Variants in SNTG1 observed in about 807,000 individuals in gnomAD.
SNTG1 encodes the protein syntrophin gamma 1.
In SNTG1, 39 loss-of-function variants were observed where a neutral mutation model predicts 74.7. The observed-to-expected ratio is 0.52, with a 90% CI of 0.40 to 0.68. SNTG1 has a LOEUF of 0.68. SNTG1 is among the 30% of genes least tolerant of loss of function. The pLI, the probability that SNTG1 is intolerant of heterozygous loss-of-function variation, is 0.00. For missense variants in SNTG1, 685 were observed against 609.5 expected (o/e 1.12, Z -1.30); for synonymous variants, 254 against 217.1 (o/e 1.17, Z -1.49).
intron 18 of SNTG1, among the ~76,000 whole-genome samples, chr8:50,770,338 C>T (rs1269943419): frequency 6.6e-6 from 1 of 152,038 alleles, no homozygotes. Flanking sequence ...AATAACCATA[C>T]AGCATTTATT....
intron 18 of SNTG1, among the ~76,000 whole-genome samples, chr8:50,784,177 T>C (rs1265045097): frequency 6.6e-6 from 1 of 152,152 alleles, no homozygotes; most frequent in Admixed American, 6.5e-5. Flanking sequence ...CTCATTAACA[T>C]TTACCTTTAA....
intron 2 of SNTG1, among the ~76,000 whole-genome samples, chr8:50,320,311 G>A (rs1587113020): frequency 6.6e-6 from 1 of 152,106 alleles, no homozygotes; most frequent in Non-Finnish European, 1.5e-5. Flanking sequence ...GTTGCTTATA[G>A]AAGCCACAAA....
At chr8:50,236,747 GC>G (rs1450119991) in intron 2 of SNTG1, among the ~76,000 whole-genome samples, 2 of 151,962 alleles carry the variant, frequency 1.3e-5, no homozygotes, top group East Asian at 3.9e-4. Flanking sequence ...ACCGCGCCCG[GC>G]CAAAAATTTT....
At chr8:50,021,351 T>C (rs1052787787) in intron 1 of SNTG1, among the ~76,000 whole-genome samples, 2 of 152,204 alleles carry the variant, frequency 1.3e-5, no homozygotes, top group Non-Finnish European at 1.5e-5. Flanking sequence ...TCACAGCTGG[T>C]ACAGATTCTA....
intron 2 of SNTG1, among the ~76,000 whole-genome samples, chr8:50,185,549 G>C (rs2083348867): frequency 6.6e-6 from 1 of 152,100 alleles, no homozygotes; most frequent in African/African-American, 2.4e-5. Context: ...AACTCTCTGA[G>C]TAAGTTCCCA....
intron 3 of SNTG1, among the ~76,000 whole-genome samples, chr8:50,395,777 C>A (rs935320393): frequency 6.6e-6 from 1 of 152,158 alleles, no homozygotes; most frequent in African/African-American, 2.4e-5. Context: ...TCCCAAAGTG[C>A]TGGGATTACA....
intron 11 of SNTG1, among the ~76,000 whole-genome samples, chr8:50,550,703 A>G (rs1312118469): frequency 1.3e-5 from 2 of 151,938 alleles, no homozygotes; most frequent in Non-Finnish European, 2.9e-5. Context: ...GTATATATAT[A>G]TATATGACAC....
At chr8:50,206,063 T>C (rs2084218532) in intron 2 of SNTG1, among the ~76,000 whole-genome samples, 1 of 152,192 alleles carries the variant, frequency 6.6e-6, no homozygotes, top group Admixed American at 6.5e-5. Context: ...TCTTTTTTGG[T>C]TCCATATGAA....
chr8:50,224,279 T>C (rs1400229164), intron 2 of SNTG1, among the ~76,000 whole-genome samples: 1 of 152,206 alleles, frequency 6.6e-6, no homozygotes, highest in African/African-American at 2.4e-5. Flanking sequence ...AAAAGTGACA[T>C]AGATTACACA....
chr8:50,649,067 C>T (rs372320933), intron 13 of SNTG1, among the ~76,000 whole-genome samples: 1 of 152,124 alleles, frequency 6.6e-6, no homozygotes, highest in Non-Finnish European at 1.5e-5. Flanking sequence ...TGTACTTACT[C>T]TATACTCGTA....
intron 2 of SNTG1, among the ~76,000 whole-genome samples, chr8:50,257,802 G>A (rs9298295): frequency 0.22 from 34,028 of 152,176 alleles, 4,065 homozygotes; most frequent in Middle Eastern, 0.36. Flanking sequence ...CCCTACTGCC[G>A]CAAATGGAGC....
intron 15 of SNTG1, among the ~76,000 whole-genome samples, chr8:50,703,841 G>A (rs964469677): frequency 2.6e-5 from 4 of 152,068 alleles, no homozygotes; most frequent in Non-Finnish European, 2.9e-5. Context: ...TAGGATCACC[G>A]TCGCATATGC....
At chr8:50,279,139 G>A (rs17696545) in intron 2 of SNTG1, among the ~76,000 whole-genome samples, 4 of 151,964 alleles carry the variant, frequency 2.6e-5, no homozygotes, top group Non-Finnish European at 4.4e-5. Flanking sequence ...GAAAACCATG[G>A]TCGACACCTA....
intron 2 of SNTG1, among the ~76,000 whole-genome samples, chr8:50,271,866 G>T (rs1373801184): frequency 1.3e-5 from 2 of 152,154 alleles, no homozygotes; most frequent in African/African-American, 4.8e-5. Context: ...TCCAATGAAG[G>T]ATTAGGAGGT....
intron 1 of SNTG1, among the ~76,000 whole-genome samples, chr8:49,917,454 A>G (rs144141711): frequency 6.0e-4 from 91 of 152,304 alleles, no homozygotes; most frequent in Non-Finnish European, 1.2e-3. Context: ...AAACTTGGGC[A>G]AGGAATGTGA....
At chr8:50,345,265 G>A (rs1459976234) in intron 2 of SNTG1, among the ~76,000 whole-genome samples, 1 of 152,166 alleles carries the variant, frequency 6.6e-6, no homozygotes, top group Admixed American at 6.5e-5. Context: ...TTCAGTAACA[G>A]GGAATGCTGG....
rs2081078749 is a variant in SNTG1, at chr8:50,124,355, G to C, written c.-102-48206G>C. 1.4e-5 allele frequency among the ~76,000 whole-genome samples: 2 copies of C among 142,144 alleles called. 1 individual carries two copies. Among genetic ancestry groups the C allele is most frequent in the East Asian group, 4.0e-4 (2 of 4,964 alleles). 93.3% of individuals were successfully genotyped at this position (142,144 alleles called of 152,430 possible). On this transcript the variant is annotated intron_variant, in intron 1 of 18. Transcript: ENST00000642720. ...CAGTTGTTTAAGTCACCCAGTATCT[G>C]CTACTGTTTTATGGCAGGCCTAGCA...
intron 12 of SNTG1, among the ~76,000 whole-genome samples, chr8:50,585,355 G>A (rs902151285): frequency 3.9e-5 from 6 of 152,098 alleles, no homozygotes; most frequent in Non-Finnish European, 7.4e-5. Context: ...TGATCCAAAA[G>A]CAGCCGGTTT....
At chr8:49,926,831 A>G (rs1418166494) in intron 1 of SNTG1, among the ~76,000 whole-genome samples, 2 of 152,218 alleles carry the variant, frequency 1.3e-5, no homozygotes, top group African/African-American at 4.8e-5. Flanking sequence ...AAATACTTGC[A>G]AAGGATATAT....
Sources: gnomAD v4.1 joint callset for allele counts (sites outside exome capture counted in the v4.1 genomes callset) on GRCh38, gnomAD v4.1.1 for gene constraint, MANE v1.5 for transcripts, NCBI Gene and HGNC (gene_info 2026-07-23, HGNC 2026-07-21) for gene names.